The following TTBK1 variants were observed in gnomAD, a reference collection of about 807,000 sequenced individuals.
The protein encoded by TTBK1 is tau-tubulin kinase 1.
Under a neutral mutation model 108.5 loss-of-function variants are expected in TTBK1, and 34 were observed. That is an observed-to-expected ratio of 0.31 (90% CI 0.24 to 0.42). TTBK1 has a LOEUF of 0.42. TTBK1 is among the 10% of genes least tolerant of loss of function. The pLI is 1.00. For missense variants in TTBK1, 1,539 were observed against 1,826.0 expected, an observed-to-expected ratio of 0.84 and a Z score of 2.86; for synonymous variants, 809 against 795.1, an observed-to-expected ratio of 1.02 and a Z score of -0.29.
At chr6:43,281,930 G>A (rs753672109) in intron 13 of TTBK1, among the ~76,000 whole-genome samples, 2 of 152,194 alleles carry the variant, frequency 1.3e-5, no homozygotes, top group Non-Finnish European at 2.9e-5. Context: ...CTGGAAGGAA[G>A]GAGGCTAAGG....
rs1412142643 is a variant in TTBK1 at position 43,265,568 on chromosome 6, C to T, written c.1986+2218C>T. 6.6e-6 allele frequency among the ~76,000 whole-genome samples: 1 copy of T among 152,250 alleles called. No individual in the cohort carries two copies. The highest frequency in any genetic ancestry group is 1.5e-5 in the Non-Finnish European group (1 of 68,048). On this transcript the variant is annotated intron_variant, in intron 13 of 14. Transcript: ENST00000259750. The surrounding 1 kb of genome is among the most constrained non-coding windows in gnomAD (Gnocchi z 4.1). ...TTGCGTTGTAACTAGCCATTGCTCCCACCACACCCAGCACCAGGCAGCAGG... is the reference window on the plus strand; with the variant it reads ...TTGCGTTGTAACTAGCCATTGCTCCTACCACACCCAGCACCAGGCAGCAGG...
At chr6:43,246,577 C>T in intron 1 of TTBK1, 30 bp from the exon 2 acceptor site, 1 of 1,080,764 alleles carries the variant, frequency 9.3e-7, no homozygotes, top group Non-Finnish European at 1.3e-6. Context: ...GTCCGCAGCC[C>T]GCCCTCACAG....
chr6:43,279,949 T>C (rs1778110025), intron 13 of TTBK1, among the ~76,000 whole-genome samples: 1 of 150,760 alleles, frequency 6.6e-6, no homozygotes, highest in Non-Finnish European at 1.5e-5. Flanking sequence ...GGTTTTGCCA[T>C]GTTCCCCAGG....
In TTBK1 at chr6:43,246,667, T is replaced by C. The variant is rs1777095643; in HGVS notation, c.7T>C (p.Cys3Arg). 2 of 1,603,716 alleles carry C rather than the reference T, an allele frequency of 1.2e-6. No homozygotes were observed. Among genetic ancestry groups the C allele is most frequent in the Admixed American group, 1.7e-5 (1 of 59,158 alleles). ...CCCTCCCTCTGGCTGGCGGATGCAG[T>C]GCCTAGCGGCCGCCCTTAAGGACGA... MQ[C>R]LAAALKDETN... The change falls in exon 2 of 15, where the codon TGC becomes CGC. Residue 3 changes from cysteine (C) to arginine (R), a missense_variant. Coordinates refer to ENST00000259750, the MANE Select transcript of TTBK1 (RefSeq NM_032538.3).
At chr6:43,280,497 C>T (rs1430337079) in intron 13 of TTBK1, among the ~76,000 whole-genome samples, 1 of 152,178 alleles carries the variant, frequency 6.6e-6, no homozygotes, top group African/African-American at 2.4e-5. Flanking sequence ...TGCATATCCC[C>T]ACTTAGTTTC....
Position 43,265,898 on chromosome 6 carries a change from T to C in TTBK1, c.1986+2548T>C, listed in dbSNP as rs1405698594. Among the ~76,000 whole-genome samples the C allele has an allele frequency of 6.6e-6, 1 of 152,150 alleles. No homozygotes were observed. Among genetic ancestry groups the C allele is most frequent in the African/African-American group, 2.4e-5 (1 of 41,420 alleles). On this transcript the variant is annotated intron_variant, in intron 13 of 14. Transcript: ENST00000259750. The surrounding 1 kb of genome is among the most constrained non-coding windows in gnomAD (Gnocchi z 4.1). ...CTGAGGTTCTTCCGAGGTTCATCTC[T>C]AAAGTTTTTCTTACCTGCAGATTCC...
In TTBK1 at chr6:43,282,889, AC is replaced by A; in HGVS notation, c.2155del (p.Gln719ArgfsTer126). On this transcript the variant is annotated frameshift_variant, in exon 14 of 15. Coordinates refer to ENST00000259750, the MANE Select transcript of TTBK1 (RefSeq NM_032538.3). LOFTEE classifies it high-confidence loss of function. This position sits in a 1 kb window ranked among gnomAD's most constrained non-coding sequence, Gnocchi z 5.4. ...RVGFSHMLLT[T>X]PQVPLAPVQP... ...GGGCTTCTCGCACATGCTGCTCACCACCCCCCAGGTCCCACTGGCTCCTGTT... is the reference window on the plus strand; with the variant it reads ...GGGCTTCTCGCACATGCTGCTCACCACCCCCAGGTCCCACTGGCTCCTGTT... 1 of 1,612,938 alleles carries A rather than the reference AC, an allele frequency of 6.2e-7. No individual in the cohort carries two copies. The highest frequency in any genetic ancestry group is 8.5e-7 in the Non-Finnish European group (1 of 1,179,750).
chr6:43,258,110 C>T, intron 10 of TTBK1, 144 bp downstream of exon 10: 2 of 958,586 alleles, frequency 2.1e-6, no homozygotes, highest in Non-Finnish European at 3.0e-6. Context: ...CTTTGGGAAA[C>T]TCTGCCACAT....
intron 13 of TTBK1, among the ~76,000 whole-genome samples, chr6:43,280,577 A>C (rs1264730639): frequency 6.6e-6 from 1 of 152,214 alleles, no homozygotes; most frequent in Non-Finnish European, 1.5e-5. Flanking sequence ...AGACTATAAC[A>C]TGGTGACCAG....
At position 43,286,509 on chromosome 6, in the gene TTBK1, C is replaced by G. The variant is rs1005020656; in HGVS notation, c.*1133C>G. The G allele has an allele frequency of 6.6e-6, 1 of 152,564 alleles. No individual in the cohort carries two copies. Among genetic ancestry groups the G allele is most frequent in the Non-Finnish European group, 1.5e-5 (1 of 68,070 alleles). 9.5% of individuals were successfully genotyped at this position (152,564 alleles called of 1,614,324 possible). A position where few individuals can be genotyped will look rare whatever the true frequency, so the allele number is the denominator to read the frequency against. On this transcript the variant is annotated 3_prime_UTR_variant, in exon 15 of 15. Coordinates refer to ENST00000259750, the MANE Select transcript of TTBK1 (RefSeq NM_032538.3). This position sits in a 1 kb window ranked among gnomAD's most constrained non-coding sequence, Gnocchi z 4.6. ...AGGGAGGGAGGGCTGGCTCAGGCATCGTCTCCCGCAATGGGCAGAGAGAGC... is the reference window on the plus strand; with the variant it reads ...AGGGAGGGAGGGCTGGCTCAGGCATGGTCTCCCGCAATGGGCAGAGAGAGC...
chr6:43,254,034 G>C (rs1210911304), intron 5 of TTBK1, among the ~76,000 whole-genome samples: 1 of 152,220 alleles, frequency 6.6e-6, no homozygotes, highest in African/African-American at 2.4e-5. Context: ...AGGGATCGAG[G>C]GAAGGGGACT....
At chr6:43,258,609 T>A (rs769839884) in intron 10 of TTBK1, among the ~76,000 whole-genome samples, 7 of 149,776 alleles carry the variant, frequency 4.7e-5, no homozygotes, top group East Asian at 2.0e-4. Context: ...AAAAAAAAAA[T>A]TTAAGTGTAT....
chr6:43,251,700 G>C (rs555731214), intron 2 of TTBK1, among the ~76,000 whole-genome samples: 1 of 152,272 alleles, frequency 6.6e-6, no homozygotes, highest in East Asian at 1.9e-4. Context: ...GGAGGCTGGA[G>C]GGGGGAGACG....
chr6:43,259,318 C>T lies in TTBK1; in HGVS notation c.1248+49C>T, dbSNP rs750477290. ...CGTGGGTGGCCTTTTCTCTCACCCC[C>T]GATTCCCAGCCTTGTGCCCCTGCCC... On this transcript the variant is annotated intron_variant, in intron 11 of 14. Transcript: ENST00000259750. This position sits in a 1 kb window ranked among gnomAD's most constrained non-coding sequence, Gnocchi z 6.7. 4 of 1,460,720 alleles carry T rather than the reference C, an allele frequency of 2.7e-6. No homozygotes were observed. Among genetic ancestry groups the T allele is most frequent in the South Asian group, 2.7e-5 (2 of 74,392 alleles). The allele number at this position is 1,460,720 out of a possible 1,614,324, so 90.5% of individuals were successfully genotyped here.
chr6:43,260,570 A>G (rs1375682584), intron 12 of TTBK1, among the ~76,000 whole-genome samples: 1 of 152,202 alleles, frequency 6.6e-6, no homozygotes, highest in East Asian at 1.9e-4. Context: ...GTAGGACTGA[A>G]GACCACCATT....
intron 1 of TTBK1, among the ~76,000 whole-genome samples, chr6:43,244,682 T>C (rs1048228402): frequency 5.9e-5 from 9 of 152,200 alleles, no homozygotes; most frequent in African/African-American, 2.2e-4. Context: ...CTGTTTCTTT[T>C]TGGTTTGCTC....
At chr6:43,278,593 C>T (rs940700025) in intron 13 of TTBK1, among the ~76,000 whole-genome samples, 3 of 152,114 alleles carry the variant, frequency 2.0e-5, no homozygotes, top group Non-Finnish European at 4.4e-5. Context: ...CCACAATAAG[C>T]AGATTAGAAT....
chr6:43,269,830 G>T lies in TTBK1; in HGVS notation c.1986+6480G>T, dbSNP rs774865673. On this transcript the variant is annotated intron_variant, in intron 13 of 14. Transcript: ENST00000259750. This position sits in a 1 kb window ranked among gnomAD's most constrained non-coding sequence, Gnocchi z 4.8. ...CGCTCGGCTGAGAGCAGCCCTGTGC[G>T]GGCGCCCCACCGGCGCCACGCGCCC... 11 of 1,537,084 alleles carry T rather than the reference G, an allele frequency of 7.2e-6. No homozygotes were observed. In the South Asian group the frequency reaches 1.3e-4, roughly 18 times the overall value.
chr6:43,269,610 C>A lies in TTBK1; in HGVS notation c.1986+6260C>A. ...GAGCTGTCGAGTCTGTGCCTGACACCTCTTTTCCCTCCACTTTCTTGGTCT... is the reference window on the plus strand; with the variant it reads ...GAGCTGTCGAGTCTGTGCCTGACACATCTTTTCCCTCCACTTTCTTGGTCT... On this transcript the variant is annotated intron_variant, in intron 13 of 14. Transcript: ENST00000259750. The surrounding 1 kb of genome is among the most constrained non-coding windows in gnomAD (Gnocchi z 4.8). The A allele has an allele frequency of 6.3e-7, 1 of 1,593,536 alleles. No homozygotes were observed. The highest frequency in any genetic ancestry group is 8.6e-7 in the Non-Finnish European group (1 of 1,168,014).
Sources: allele counts gnomAD v4.1 joint callset (sites outside exome capture counted in the v4.1 genomes callset), GRCh38; gene constraint gnomAD v4.1.1; non-coding constraint Gnocchi (gnomAD v3.1); transcripts MANE v1.5; gene names NCBI Gene and HGNC (gene_info 2026-07-23, HGNC 2026-07-21).